Variants in UBE2D4 observed in about 807,000 individuals in gnomAD.
UBE2D4 encodes ubiquitin conjugating enzyme E2 D4, also known as ubiquitin-conjugating enzyme E2 D4.
In UBE2D4, 17 loss-of-function variants were observed where a neutral mutation model predicts 23.0. That is an observed-to-expected ratio of 0.74 (90% CI 0.51 to 1.11). The LOEUF is 1.11. Among genes scored for constraint, UBE2D4 ranks in the 50% least tolerant of loss-of-function variants. The pLI is 0.00. For synonymous variants in UBE2D4, 61 were observed against 69.4 expected (o/e 0.88, Z 0.60); for missense variants, 139 against 181.8 (o/e 0.76, Z 1.35).
chr7:43,950,466 C>A (rs911194616), intron 5 of UBE2D4, 133 bp from the exon 6 acceptor site: 90 of 693,550 alleles, frequency 1.3e-4, no homozygotes, highest in Non-Finnish European at 2.1e-4. Context: ...GTGCATCAAG[C>A]AATTTAGATT....
At chr7:43,936,695 C>T (rs1260036613) in intron 1 of UBE2D4, among the ~76,000 whole-genome samples, 1 of 152,176 alleles carries the variant, frequency 6.6e-6, no homozygotes, top group African/African-American at 2.4e-5. Context: ...GTAGCATTCT[C>T]TATACCACTA....
At chr7:43,933,497 T>G (rs1346801531) in intron 1 of UBE2D4, among the ~76,000 whole-genome samples, 1 of 152,090 alleles carries the variant, frequency 6.6e-6, no homozygotes, top group Non-Finnish European at 1.5e-5. Context: ...TCCCAGCACT[T>G]TGGGAGGCTG....
rs955566804 is a variant in UBE2D4, at chr7:43,954,320, T to C, written c.*1625T>C. ...CCTTGCTCTGTCTCCCAGGCTGGAGTGCAGTGGTGCGATCTTGGCTCACTG... is the reference window on the plus strand; with the variant it reads ...CCTTGCTCTGTCTCCCAGGCTGGAGCGCAGTGGTGCGATCTTGGCTCACTG... On this transcript the variant is annotated 3_prime_UTR_variant, in exon 7 of 7. Transcript: ENST00000222402. 7.2e-6 allele frequency: 1 copy of C among 139,320 alleles called. No homozygotes were observed. The allele number at this position is 139,320 out of a possible 1,614,324, so 8.6% of individuals were successfully genotyped here.
At chr7:43,933,663 G>C (rs925367654) in intron 1 of UBE2D4, among the ~76,000 whole-genome samples, 1 of 152,152 alleles carries the variant, frequency 6.6e-6, no homozygotes, top group Admixed American at 6.6e-5. Context: ...AGAATTGCTT[G>C]AACCCAGTAG....
chr7:43,951,012 A>G (rs2096001213), intron 6 of UBE2D4, among the ~76,000 whole-genome samples: 1 of 152,230 alleles, frequency 6.6e-6, no homozygotes, highest in Non-Finnish European at 1.5e-5. Flanking sequence ...CCAAGAACAG[A>G]CTCAGAAGAA....
At chr7:43,933,566 C>A (rs2095951855) in intron 1 of UBE2D4, among the ~76,000 whole-genome samples, 1 of 152,016 alleles carries the variant, frequency 6.6e-6, no homozygotes, top group South Asian at 2.1e-4. Flanking sequence ...CATGGTGAAA[C>A]TCATCTCTAC....
intron 4 of UBE2D4, 139 bp from the exon 5 acceptor site, chr7:43,948,493 G>A: frequency 6.6e-6 from 4 of 603,436 alleles, no homozygotes; most frequent in Non-Finnish European, 1.2e-5. Context: ...GGGAGTGGGG[G>A]TCTGGCTTAG....
chr7:43,928,165 T>C, intron 1 of UBE2D4: 1 of 391,582 alleles, frequency 2.6e-6, no homozygotes, highest in Non-Finnish European at 5.1e-6. Context: ...AGATCTCACA[T>C]GAACTAATAG....
In UBE2D4 at chr7:43,950,662, T is replaced by A. The variant is rs761946669; in HGVS notation, c.368T>A (p.Ile123Lys). 2.5e-6 allele frequency: 4 copies of A among 1,614,208 alleles called. No individual in the cohort carries two copies. The highest frequency in any genetic ancestry group is 3.4e-6 in the Non-Finnish European group (4 of 1,180,020). Residue 123 changes from isoleucine (I) to lysine (K), a missense_variant, in exon 6 of 7, where the codon ATA becomes AAA. Physicochemically the swap from Ile to Lys is moderately radical, Grantham distance 102. Transcript: ENST00000222402. ...CCCGATGACCCCCTGGTGCCAGAGATAGCACACACCTACAAGGCCGACAGA... is the reference window on the plus strand; with the variant it reads ...CCCGATGACCCCCTGGTGCCAGAGAAAGCACACACCTACAAGGCCGACAGA... ...PNPDDPLVPE[I>K]AHTYKADREK...
At chr7:43,943,098 A>C (rs759202044) in intron 4 of UBE2D4, 67 bp downstream of exon 4, 1 of 1,497,080 alleles carries the variant, frequency 6.7e-7, no homozygotes, top group Non-Finnish European at 9.3e-7. Context: ...GGGCCCTTCA[A>C]GTCAGGTATA....
intron 1 of UBE2D4, among the ~76,000 whole-genome samples, chr7:43,935,467 T>C (rs2095956388): frequency 6.6e-6 from 1 of 152,184 alleles, no homozygotes; most frequent in South Asian, 2.1e-4. Context: ...TGTAAACTTA[T>C]GGCCACAGAA....
chr7:43,935,292 T>C (rs939650911), intron 1 of UBE2D4, among the ~76,000 whole-genome samples: 3 of 152,178 alleles, frequency 2.0e-5, no homozygotes, highest in Non-Finnish European at 4.4e-5. Flanking sequence ...CTATTAACTT[T>C]TAGGTTGGGG....
chr7:43,949,116 A>C (rs1585886562), intron 5 of UBE2D4: 3 of 316,236 alleles, frequency 9.5e-6, no homozygotes, highest in Admixed American at 4.7e-5. Flanking sequence ...TCAGCCCTGA[A>C]GGAAGATACA....
At chr7:43,948,418 A>G (rs1408316064) in intron 4 of UBE2D4, among the ~76,000 whole-genome samples, 1 of 152,180 alleles carries the variant, frequency 6.6e-6, no homozygotes, top group Non-Finnish European at 1.5e-5. Flanking sequence ...CAGAATGAGA[A>G]TCCAGCAGGG....
chr7:43,945,240 ACCACG>A (rs2095983290), intron 4 of UBE2D4, among the ~76,000 whole-genome samples: 1 of 152,156 alleles, frequency 6.6e-6, no homozygotes, highest in Non-Finnish European at 1.5e-5. Flanking sequence ...TGATCCGCCC[ACCACG>A]GCCTCTCAAA....
chr7:43,942,738 G>C, intron 2 of UBE2D4, 88 bp from the exon 3 acceptor site: 1 of 1,574,456 alleles, frequency 6.4e-7, no homozygotes, highest in East Asian at 2.2e-5. Flanking sequence ...TGTGTAGACA[G>C]TGCGCTGTAA....
At chr7:43,947,421 A>AAGCC in intron 4 of UBE2D4, among the ~76,000 whole-genome samples, 1 of 152,252 alleles carries the variant, frequency 6.6e-6, no homozygotes, top group African/African-American at 2.4e-5. Flanking sequence ...GTGAGCCACC[A>AAGCC]TGCCTGGCCC....
chr7:43,930,054 G>C (rs1363347163), intron 1 of UBE2D4, among the ~76,000 whole-genome samples: 1 of 152,218 alleles, frequency 6.6e-6, no homozygotes, highest in African/African-American at 2.4e-5. Context: ...CACACAGCCT[G>C]CTGGACATCT....
At chr7:43,938,155 T>TC (rs1260912617) in intron 1 of UBE2D4, among the ~76,000 whole-genome samples, 1 of 152,172 alleles carries the variant, frequency 6.6e-6, no homozygotes, top group African/African-American at 2.4e-5. Flanking sequence ...TGTGACTGAC[T>TC]TCTTGCCCTG....
Sources: gnomAD v4.1 joint callset for allele counts (sites outside exome capture counted in the v4.1 genomes callset) on GRCh38, gnomAD v4.1.1 for gene constraint, MANE v1.5 for transcripts, NCBI Gene and HGNC (gene_info 2026-07-23, HGNC 2026-07-21) for gene names.